The following PTPRG variants were observed in gnomAD, a reference collection of about 807,000 sequenced individuals.
The protein encoded by PTPRG is protein tyrosine phosphatase receptor type G.
Under a neutral mutation model 165.3 loss-of-function variants are expected in PTPRG, and 102 were observed. The observed-to-expected ratio is 0.62, with a 90% CI of 0.53 to 0.73. The LOEUF is 0.73. Ranked by LOEUF, PTPRG falls within the 30% of genes least tolerant of loss-of-function variation. The pLI is 0.00. For missense variants in PTPRG, 1,866 were observed against 1,861.4 expected (o/e 1.00, Z -0.05); for synonymous variants, 675 against 669.5 (o/e 1.01, Z -0.13).
At chr3:62,197,798 C>G (rs1017813695) in intron 10 of PTPRG, among the ~76,000 whole-genome samples, 3 of 152,158 alleles carry the variant, frequency 2.0e-5, no homozygotes, top group African/African-American at 2.4e-5. Flanking sequence ...TTCAAAAAGG[C>G]CCTGTCAGCT....
chr3:61,928,127 A>G (rs1016673072), intron 2 of PTPRG, among the ~76,000 whole-genome samples: 1 of 151,982 alleles, frequency 6.6e-6, no homozygotes, highest in Non-Finnish European at 1.5e-5. Context: ...AGGTTAGGAG[A>G]CTCACACACA....
chr3:61,863,898 A>G lies in PTPRG; in HGVS notation c.190+114916A>G, dbSNP rs530019526. Among the ~76,000 whole-genome samples the G allele has an allele frequency of 1.4e-4, 22 of 152,336 alleles. No homozygotes were observed. In the South Asian group the frequency reaches 1.9e-3, roughly 13 times the overall value. ...CTAGTATGAACGTCAGTGTTGTTCTATGTATTTAGCAGAACTCTTTTAACA... is the reference window on the plus strand; with the variant it reads ...CTAGTATGAACGTCAGTGTTGTTCTGTGTATTTAGCAGAACTCTTTTAACA... On this transcript the variant is annotated intron_variant, in intron 2 of 29. Transcript: ENST00000474889.
chr3:61,746,475 T>G (rs1244128867), intron 1 of PTPRG, among the ~76,000 whole-genome samples: 1 of 152,114 alleles, frequency 6.6e-6, no homozygotes, highest in Non-Finnish European at 1.5e-5. Flanking sequence ...TTTCGCCTTG[T>G]TACCCAGGCT....
At chr3:61,616,783 G>A (rs950459021) in intron 1 of PTPRG, among the ~76,000 whole-genome samples, 2 of 152,130 alleles carry the variant, frequency 1.3e-5, no homozygotes, top group South Asian at 2.1e-4. Context: ...GTGTTAATAC[G>A]CAACTTTATG....
At chr3:62,221,499 G>A (rs1485409238) in intron 13 of PTPRG, among the ~76,000 whole-genome samples, 1 of 152,220 alleles carries the variant, frequency 6.6e-6, no homozygotes, top group Non-Finnish European at 1.5e-5. Flanking sequence ...TAATGCGAAA[G>A]AAGAAAGCAT....
chr3:62,153,984 A>T (rs1013614602), intron 6 of PTPRG, among the ~76,000 whole-genome samples: 2 of 152,338 alleles, frequency 1.3e-5, no homozygotes, highest in East Asian at 1.9e-4. Flanking sequence ...AAAGAATCCC[A>T]TGTGAGTCTC....
intron 4 of PTPRG, among the ~76,000 whole-genome samples, chr3:62,039,496 A>G (rs957547523): frequency 6.6e-6 from 1 of 152,146 alleles, no homozygotes; most frequent in Non-Finnish European, 1.5e-5. Flanking sequence ...TTTTCCAAAT[A>G]TTGTGATGGG....
intron 2 of PTPRG, among the ~76,000 whole-genome samples, chr3:61,793,856 A>G (rs1213847164): frequency 6.6e-6 from 1 of 152,178 alleles, no homozygotes; most frequent in Non-Finnish European, 1.5e-5. Context: ...CACTGTGAGA[A>G]TCATCTGTTC....
At chr3:62,023,008 C>A (rs1298538499) in intron 4 of PTPRG, among the ~76,000 whole-genome samples, 1 of 151,750 alleles carries the variant, frequency 6.6e-6, no homozygotes, top group South Asian at 2.1e-4. Flanking sequence ...ACATTCAAAA[C>A]AAAATTAAGA....
intron 1 of PTPRG, among the ~76,000 whole-genome samples, chr3:61,683,889 A>G (rs1274728576): frequency 6.6e-6 from 1 of 152,218 alleles, no homozygotes; most frequent in Non-Finnish European, 1.5e-5. Context: ...CTGTATGCAC[A>G]AAGTAGAAAT....
At chr3:61,707,866 G>C (rs1260531086) in intron 1 of PTPRG, among the ~76,000 whole-genome samples, 2 of 152,118 alleles carry the variant, frequency 1.3e-5, no homozygotes, top group Admixed American at 1.3e-4. Context: ...ATGGTTCATT[G>C]CAGCCTTGAC....
chr3:62,042,799 G>A (rs1700171808), intron 4 of PTPRG, among the ~76,000 whole-genome samples: 1 of 152,120 alleles, frequency 6.6e-6, no homozygotes, highest in Admixed American at 6.6e-5. Flanking sequence ...ATCCCTGTGT[G>A]CTCAGCATTT....
chr3:62,096,748 T>C (rs990124750), intron 5 of PTPRG, among the ~76,000 whole-genome samples: 1 of 152,196 alleles, frequency 6.6e-6, no homozygotes, highest in East Asian at 1.9e-4. Context: ...ATCATATTAT[T>C]CTCTCCACCC....
chr3:61,993,949 A>G (rs1186035603), intron 3 of PTPRG, among the ~76,000 whole-genome samples: 1 of 152,228 alleles, frequency 6.6e-6, no homozygotes, highest in African/African-American at 2.4e-5. Flanking sequence ...TAATCCCCTG[A>G]GAGTGCTATA....
chr3:62,262,235 C>A (rs896090035), intron 16 of PTPRG: 1 of 152,070 alleles, frequency 6.6e-6, no homozygotes, highest in African/African-American at 2.4e-5. Flanking sequence ...TGAGATATGA[C>A]CATTAGTTGG....
intron 4 of PTPRG, among the ~76,000 whole-genome samples, chr3:62,039,192 C>A (rs2366422): frequency 0.24 from 36,891 of 151,642 alleles, 4,954 homozygotes; most frequent in Middle Eastern, 0.35. Context: ...GCCTTGGCCT[C>A]CCAAAGTGCT....
At chr3:62,112,675 C>G (rs1702714114) in intron 5 of PTPRG, among the ~76,000 whole-genome samples, 1 of 152,184 alleles carries the variant, frequency 6.6e-6, no homozygotes, top group Admixed American at 6.5e-5. Context: ...GAGGCAGGGA[C>G]TGCAGTCATT....
intron 4 of PTPRG, among the ~76,000 whole-genome samples, chr3:62,008,878 C>T (rs1575881460): frequency 6.6e-6 from 1 of 152,354 alleles, no homozygotes. Flanking sequence ...GCCCACCACT[C>T]ACCTCCTGCT....
At chr3:62,069,320 G>T (rs888881944) in intron 4 of PTPRG, among the ~76,000 whole-genome samples, 3 of 152,112 alleles carry the variant, frequency 2.0e-5, no homozygotes, top group African/African-American at 7.2e-5. Context: ...TACAAATCCG[G>T]TCTTATTCTA....
Sources: gnomAD v4.1 joint callset for allele counts (sites outside exome capture counted in the v4.1 genomes callset) on GRCh38, gnomAD v4.1.1 for gene constraint, MANE v1.5 for transcripts, NCBI Gene and HGNC (gene_info 2026-07-23, HGNC 2026-07-21) for gene names.